KLC1: variants seen among roughly 807,000 people sequenced by gnomAD.
KLC1 encodes the protein kinesin light chain 1, also known as kinesin 2 60/70kDa.
In KLC1, 30 loss-of-function variants were observed where a neutral mutation model predicts 84.2. That is an observed-to-expected ratio of 0.36 (90% CI 0.27 to 0.48). The LOEUF (loss-of-function observed/expected upper bound fraction) is 0.48, where lower values mean the gene tolerates loss of function less well. Among genes scored for constraint, KLC1 ranks in the 20% least tolerant of loss-of-function variants. KLC1 has a pLI of 0.99. For missense variants in KLC1, 499 were observed against 805.4 expected (o/e 0.62, Z 4.60); for synonymous variants, 289 against 293.3 (o/e 0.99, Z 0.15).
At chr14:103,698,924 C>G in intron 15 of KLC1, 1 of 1,600,352 alleles carries the variant, frequency 6.2e-7, no homozygotes, top group South Asian at 1.1e-5. Flanking sequence ...CGAGGGCAGC[C>G]TCTTCCTCGC....
intron 16 of KLC1, 123 bp downstream of exon 16, chr14:103,700,850 G>A: frequency 2.4e-6 from 2 of 818,644 alleles, no homozygotes; most frequent in South Asian, 1.9e-5. Context: ...TGCCAGGCTG[G>A]GCCTCCAAGA....
intron 15 of KLC1, among the ~76,000 whole-genome samples, 193 bp downstream of exon 15, chr14:103,692,618 T>G (rs913074970): frequency 1.2e-4 from 19 of 152,224 alleles, no homozygotes; most frequent in African/African-American, 4.3e-4. Context: ...ATGTGAATTA[T>G]GGGCATGTTC....
At chr14:103,657,299 T>C (rs2078910435) in intron 2 of KLC1, among the ~76,000 whole-genome samples, 1 of 152,158 alleles carries the variant, frequency 6.6e-6, no homozygotes, top group Non-Finnish European at 1.5e-5. Flanking sequence ...TCATTTGGCA[T>C]GCTCTTCAAA....
chr14:103,656,123 G>A (rs982419999), intron 2 of KLC1, among the ~76,000 whole-genome samples: 1 of 152,178 alleles, frequency 6.6e-6, no homozygotes, highest in African/African-American at 2.4e-5. Context: ...GGAAGGGAAA[G>A]GAAGGACGTG....
At chr14:103,649,193 A>T (rs1388758650) in intron 1 of KLC1, among the ~76,000 whole-genome samples, 1 of 152,044 alleles carries the variant, frequency 6.6e-6, no homozygotes, top group Non-Finnish European at 1.5e-5. Flanking sequence ...GCTCCTTGGG[A>T]GACTGAAGGT....
intron 15 of KLC1, chr14:103,697,844 T>C (rs935987951): frequency 6.6e-6 from 1 of 152,230 alleles, no homozygotes; most frequent in African/African-American, 2.4e-5. Flanking sequence ...CTGGCCACAG[T>C]GTGGGACTGG....
At chr14:103,645,883 G>A (rs1286152120) in intron 1 of KLC1, among the ~76,000 whole-genome samples, 1 of 151,366 alleles carries the variant, frequency 6.6e-6, no homozygotes, top group African/African-American at 2.4e-5. Flanking sequence ...TCAGCCTCCC[G>A]AGTAGCTGGG....
intron 1 of KLC1, among the ~76,000 whole-genome samples, chr14:103,641,133 C>A (rs989495997): frequency 3.3e-5 from 5 of 152,062 alleles, no homozygotes; most frequent in Non-Finnish European, 7.4e-5. Context: ...CCATGTTGGC[C>A]ATGCTGGTCT....
intron 5 of KLC1, among the ~76,000 whole-genome samples, chr14:103,664,821 T>C (rs1247641017): frequency 1.2e-4 from 3 of 24,988 alleles, no homozygotes; most frequent in South Asian, 1.6e-3. Flanking sequence ...GGCCAAGGCT[T>C]TTTTTTTTTT....
At chr14:103,666,342 C>T (rs754806363) in intron 5 of KLC1, among the ~76,000 whole-genome samples, 7 of 152,026 alleles carry the variant, frequency 4.6e-5, no homozygotes, top group East Asian at 1.9e-4. Context: ...GGATTACAGG[C>T]ATGAGCCACC....
At chr14:103,671,166 A>G (rs188726174) in intron 7 of KLC1, among the ~76,000 whole-genome samples, 209 of 152,252 alleles carry the variant, frequency 1.4e-3, no homozygotes, top group Non-Finnish European at 2.4e-3. Context: ...TGAAAAATGA[A>G]ATAATTATTA....
intron 13 of KLC1, chr14:103,682,216 A>G (rs962290368): frequency 6.6e-6 from 1 of 151,992 alleles, no homozygotes; most frequent in Non-Finnish European, 1.5e-5. Flanking sequence ...TAAAAATATA[A>G]AAAATTAGCC....
At chr14:103,696,676 C>T (rs1401258373) in intron 15 of KLC1, 1 of 985,502 alleles carries the variant, frequency 1.0e-6, no homozygotes, top group African/African-American at 1.7e-5. Context: ...TGTCTCAGGG[C>T]TGATATGTAG....
intron 13 of KLC1, chr14:103,679,772 A>G: frequency 2.0e-6 from 1 of 494,460 alleles, no homozygotes; most frequent in Non-Finnish European, 3.6e-6. Flanking sequence ...AACTTTGAGC[A>G]CTTAAATGCT....
Position 103,701,158 on chromosome 14 carries a change from A to T in KLC1, c.*2-43A>T, listed in dbSNP as rs1430880454. On this transcript the variant is annotated intron_variant, in intron 16 of 16. Transcript: ENST00000334553. ...CAGAACAGAACTTAGTAACACTGTC[A>T]GGTTTTGGCGGCCCAGCCCTGACCT... The T allele has an allele frequency of 2.6e-6, 4 of 1,549,256 alleles. No homozygotes were observed. In the East Asian group the frequency reaches 9.8e-5, roughly 38 times the overall value.
At chr14:103,639,019 C>G (rs2077282374) in intron 1 of KLC1, among the ~76,000 whole-genome samples, 1 of 152,116 alleles carries the variant, frequency 6.6e-6, no homozygotes, top group African/African-American at 2.4e-5. Context: ...TAAATCACTT[C>G]ATGTATCCCA....
chr14:103,634,523 A>G (rs1271763703), intron 1 of KLC1, among the ~76,000 whole-genome samples: 3 of 152,110 alleles, frequency 2.0e-5, no homozygotes, highest in African/African-American at 7.2e-5. Flanking sequence ...GGCTGGAGGT[A>G]AAGATTCCAG....
At chr14:103,691,191 C>T (rs1488797166) in intron 14 of KLC1, among the ~76,000 whole-genome samples, 1 of 137,026 alleles carries the variant, frequency 7.3e-6, no homozygotes, top group Non-Finnish European at 1.5e-5. Context: ...CAGAGTCTTG[C>T]TGTGTCGCCC....
At chr14:103,646,355 G>A (rs985001889) in intron 1 of KLC1, among the ~76,000 whole-genome samples, 1 of 152,166 alleles carries the variant, frequency 6.6e-6, no homozygotes, top group Non-Finnish European at 1.5e-5. Context: ...ACGCTGGAGT[G>A]CAGTGGCATG....
Sources: allele counts gnomAD v4.1 joint callset (sites outside exome capture counted in the v4.1 genomes callset), GRCh38; gene constraint gnomAD v4.1.1; transcripts MANE v1.5; gene names NCBI Gene and HGNC (gene_info 2026-07-23, HGNC 2026-07-21).